Variants in PCDHGB7 observed in about 807,000 individuals in gnomAD.
PCDHGB7 encodes protocadherin gamma-B7.
A neutral mutation model predicts 61.4 loss-of-function variants in PCDHGB7; 37 were observed. The ratio of observed to expected loss-of-function variants is 0.60; its 90% CI spans 0.46 to 0.79. The LOEUF (loss-of-function observed/expected upper bound fraction) is 0.79, where lower values mean the gene tolerates loss of function less well. Ranked by LOEUF, PCDHGB7 falls within the 30% of genes least tolerant of loss-of-function variation. The pLI is 0.00. For synonymous variants in PCDHGB7, 464 were observed against 503.5 expected, an observed-to-expected ratio of 0.92 and a Z score of 1.05; for missense variants, 1,166 against 1,202.5, an observed-to-expected ratio of 0.97 and a Z score of 0.45.
rs950164698 is a variant in PCDHGB7, at chr5:141,423,459, G to A, written c.2415+3185G>A. ...TGCCCACGTCACATTTTGTAGGCGT[G>A]GACGGGGTACAGGCTTTCCTGCAAA... On this transcript the variant is annotated intron_variant, in intron 1 of 3. Coordinates refer to ENST00000398594, the MANE Select transcript of PCDHGB7 (RefSeq NM_018927.4). 4.3e-6 allele frequency: 7 copies of A among 1,614,006 alleles called. No individual in the cohort carries two copies. In the South Asian group the frequency reaches 6.6e-5, roughly 15 times the overall value.
At chr5:141,422,588 C>A in intron 1 of PCDHGB7, 1 of 1,614,056 alleles carries the variant, frequency 6.2e-7, no homozygotes, top group South Asian at 1.1e-5. Flanking sequence ...CCCGTTTTTC[C>A]TCACTCCTCT....
intron 1 of PCDHGB7, among the ~76,000 whole-genome samples, chr5:141,444,192 A>ATT: frequency 1.9e-5 from 1 of 52,730 alleles, no homozygotes; most frequent in African/African-American, 7.7e-5. Flanking sequence ...TTTTTTTGAG[A>ATT]TGGAGTTTCA....
chr5:141,431,393 C>T lies in PCDHGB7; in HGVS notation c.2415+11119C>T, dbSNP rs1485575362. 5 of 1,613,884 alleles carry T rather than the reference C, an allele frequency of 3.1e-6. No individual in the cohort carries two copies. Among genetic ancestry groups the T allele is most frequent in the Non-Finnish European group, 4.2e-6 (5 of 1,180,048 alleles). On this transcript the variant is annotated intron_variant, in intron 1 of 3. Coordinates refer to ENST00000398594, the MANE Select transcript of PCDHGB7 (RefSeq NM_018927.4). The surrounding 1 kb of genome is among the most constrained non-coding windows in gnomAD (Gnocchi z 4.8). ...AGAAAAGGCTGCTCACCACCTGGTC[C>T]TTACGGCCTCCGACGGGGGCGACCC...
At chr5:141,504,236 C>A (rs1011850372) in intron 2 of PCDHGB7, among the ~76,000 whole-genome samples, 2 of 152,194 alleles carry the variant, frequency 1.3e-5, no homozygotes, top group African/African-American at 4.8e-5. Flanking sequence ...TTCTAAGAAG[C>A]AGAGAGTTCT....
Position 141,490,900 on chromosome 5 carries a change from G to A in PCDHGB7, c.2416-3907G>A, listed in dbSNP as rs2099705863. 2 of 1,613,796 alleles carry A rather than the reference G, an allele frequency of 1.2e-6. No individual in the cohort carries two copies. The highest frequency in any genetic ancestry group is 2.7e-5 in the African/African-American group (2 of 75,050). ...TGCCAACACATCTCTGCATGTGTTT[G>A]TCCTAGACGAGAATGATAATGCCCC... On this transcript the variant is annotated intron_variant, in intron 1 of 3. Transcript: ENST00000398594. The surrounding 1 kb of genome is among the most constrained non-coding windows in gnomAD (Gnocchi z 5.4).
intron 1 of PCDHGB7, among the ~76,000 whole-genome samples, chr5:141,425,336 G>A (rs2096868804): frequency 6.6e-6 from 1 of 152,182 alleles, no homozygotes; most frequent in South Asian, 2.1e-4. Flanking sequence ...CAAAAAGGAA[G>A]GGTTGGCTTT....
chr5:141,442,561 G>C (rs2098332268), intron 1 of PCDHGB7: 1 of 152,198 alleles, frequency 6.6e-6, no homozygotes, highest in African/African-American at 2.4e-5. Context: ...ACTAAGTTCA[G>C]TCACAAGCAG....
intron 2 of PCDHGB7, among the ~76,000 whole-genome samples, chr5:141,495,902 C>T (rs749735668): frequency 2.6e-5 from 4 of 152,120 alleles, no homozygotes; most frequent in Non-Finnish European, 2.9e-5. Context: ...TTGTCTCTGT[C>T]TCTGTATATC....
intron 1 of PCDHGB7, among the ~76,000 whole-genome samples, chr5:141,436,839 A>G (rs1247924864): frequency 6.6e-6 from 1 of 152,260 alleles, no homozygotes; most frequent in African/African-American, 2.4e-5. Flanking sequence ...GTGCCTAGGC[A>G]CATTCTTGAT....
intron 1 of PCDHGB7, among the ~76,000 whole-genome samples, chr5:141,444,152 ATTTTTTTTTTTTTTTTTT>A (rs747671382): frequency 4.1e-4 from 14 of 33,898 alleles, no homozygotes; most frequent in South Asian, 2.1e-3. Flanking sequence ...TGTGTACTGG[ATTTTTTTTTTTTTTTTTT>A]TTTTTTTTTT....
intron 1 of PCDHGB7, among the ~76,000 whole-genome samples, chr5:141,452,114 A>C (rs1443131264): frequency 1.3e-5 from 2 of 152,098 alleles, no homozygotes; most frequent in Admixed American, 1.3e-4. Flanking sequence ...TTCTCTTCTT[A>C]TTTATTCATA....
intron 1 of PCDHGB7, chr5:141,478,142 G>A: frequency 3.7e-6 from 6 of 1,613,988 alleles, no homozygotes; most frequent in Non-Finnish European, 4.2e-6. Flanking sequence ...AGCCCGAGCC[G>A]AGTTCCCCTC....
chr5:141,452,387 G>A (rs1052689230), intron 1 of PCDHGB7, among the ~76,000 whole-genome samples: 5 of 152,146 alleles, frequency 3.3e-5, no homozygotes, highest in African/African-American at 1.2e-4. Context: ...ATAGTATTTA[G>A]AAACTAAGAT....
In PCDHGB7 at chr5:141,476,087, C is replaced by T. The variant is rs758610836; in HGVS notation, c.2416-18720C>T. The stretch of plus-strand genomic sequence containing the variant: ...AGCGAAATCTCAGGGACGATCTGGA[C>T]CCCGCTGAGAGGAACTGCTTTTGAG... On this transcript the variant is annotated intron_variant, in intron 1 of 3. Coordinates refer to ENST00000398594, the MANE Select transcript of PCDHGB7 (RefSeq NM_018927.4). This position sits in a 1 kb window ranked among gnomAD's most constrained non-coding sequence, Gnocchi z 7.6. 9 of 1,553,656 alleles carry T rather than the reference C, an allele frequency of 5.8e-6. No individual in the cohort carries two copies. The South Asian group carries it at 1.1e-4, about 19-fold the overall frequency.
At chr5:141,492,576 G>A (rs2099742137) in intron 1 of PCDHGB7, among the ~76,000 whole-genome samples, 1 of 152,234 alleles carries the variant, frequency 6.6e-6, no homozygotes, top group Admixed American at 6.5e-5. Context: ...AGCGAGGCGC[G>A]GGGCCAGGAG....
At chr5:141,492,637 C>T (rs2099742781) in intron 1 of PCDHGB7, among the ~76,000 whole-genome samples, 1 of 152,260 alleles carries the variant, frequency 6.6e-6, no homozygotes, top group South Asian at 2.1e-4. Context: ...CTCTACGATC[C>T]TTGGGCCAGA....
chr5:141,417,839 C>A lies in PCDHGB7; in HGVS notation c.-21C>A. On this transcript the variant is annotated 5_prime_UTR_variant, in exon 1 of 4. Coordinates refer to ENST00000398594, the MANE Select transcript of PCDHGB7 (RefSeq NM_018927.4). ...TTCTCCAACTGGAAAAGCGGGGACCCAGCGAGAACCCGAGCGAACGATGGG... is the reference window on the plus strand; with the variant it reads ...TTCTCCAACTGGAAAAGCGGGGACCAAGCGAGAACCCGAGCGAACGATGGG... 6.5e-7 allele frequency: 1 copy of A among 1,534,218 alleles called. No homozygotes were observed. The highest frequency in any genetic ancestry group is 1.2e-5 in the South Asian group (1 of 82,126).
chr5:141,476,416 A>C lies in PCDHGB7; in HGVS notation c.2416-18391A>C, dbSNP rs2099391138. On this transcript the variant is annotated intron_variant, in intron 1 of 3. Coordinates refer to ENST00000398594, the MANE Select transcript of PCDHGB7 (RefSeq NM_018927.4). The surrounding 1 kb of genome is among the most constrained non-coding windows in gnomAD (Gnocchi z 7.6). ...TGGATCGAGAGGAGCTGTGTGGGACACTGCCCTCTTGCACTGTAACTCTGG... is the reference window on the plus strand; with the variant it reads ...TGGATCGAGAGGAGCTGTGTGGGACCCTGCCCTCTTGCACTGTAACTCTGG... 6.2e-7 allele frequency: 1 copy of C among 1,614,056 alleles called. No homozygotes were observed. The highest frequency in any genetic ancestry group is 8.5e-7 in the Non-Finnish European group (1 of 1,179,994).
Position 141,421,312 on chromosome 5 carries a change from G to A in PCDHGB7, c.2415+1038G>A, listed in dbSNP as rs375071225. ...CCTGGGGACGCTGCGGGGGTTCCGGGCCAGGCAGATCCGATATTCGGTGCC... is the reference window on the plus strand; with the variant it reads ...CCTGGGGACGCTGCGGGGGTTCCGGACCAGGCAGATCCGATATTCGGTGCC... On this transcript the variant is annotated intron_variant, in intron 1 of 3. Coordinates refer to ENST00000398594, the MANE Select transcript of PCDHGB7 (RefSeq NM_018927.4). The A allele has an allele frequency of 1.9e-5, 31 of 1,613,630 alleles. No homozygotes were observed. The highest frequency in any genetic ancestry group is 1.4e-5 in the Non-Finnish European group (17 of 1,179,886).
Sources: gnomAD v4.1 joint callset for allele counts (sites outside exome capture counted in the v4.1 genomes callset) on GRCh38, gnomAD v4.1.1 for gene constraint, Gnocchi (gnomAD v3.1) non-coding constraint, MANE v1.5 for transcripts, NCBI Gene and HGNC (gene_info 2026-07-23, HGNC 2026-07-21) for gene names.